The following FRMD5 variants were observed in gnomAD, a reference collection of about 807,000 sequenced individuals.
FRMD5 encodes FERM domain-containing protein 5.
Under a neutral mutation model 69.0 loss-of-function variants are expected in FRMD5, and 20 were observed. That is an observed-to-expected ratio of 0.29 (90% CI 0.20 to 0.42). The LOEUF is 0.42. Ranked by LOEUF, FRMD5 falls within the 10% of genes least tolerant of loss-of-function variation. FRMD5 has a pLI of 1.00. For missense variants in FRMD5, 595 were observed against 708.6 expected (o/e 0.84, Z 1.82); for synonymous variants, 271 against 260.1 (o/e 1.04, Z -0.40).
chr15:43,927,146 A>G (rs1443375356), intron 1 of FRMD5, among the ~76,000 whole-genome samples: 1 of 152,046 alleles, frequency 6.6e-6, no homozygotes, highest in East Asian at 1.9e-4. Context: ...TTTGCAATAA[A>G]TCTCAATAAA....
At chr15:44,048,188 T>C (rs1892510867) in intron 1 of FRMD5, among the ~76,000 whole-genome samples, 1 of 152,224 alleles carries the variant, frequency 6.6e-6, no homozygotes, top group Admixed American at 6.5e-5. Flanking sequence ...ACCAGCAGTA[T>C]AGGAGGGTTC....
chr15:43,972,584 G>A (rs777456819), intron 1 of FRMD5, among the ~76,000 whole-genome samples: 8 of 152,154 alleles, frequency 5.3e-5, no homozygotes, highest in African/African-American at 9.7e-5. Context: ...ACATGATGTA[G>A]TTACTGCAGC....
chr15:43,941,125 T>C (rs1023601281), intron 1 of FRMD5, among the ~76,000 whole-genome samples: 1 of 152,162 alleles, frequency 6.6e-6, no homozygotes, highest in African/African-American at 2.4e-5. Context: ...TCTCAGCACT[T>C]TGGGAGGCCA....
chr15:43,979,408 T>C (rs555732049), intron 1 of FRMD5, among the ~76,000 whole-genome samples: 1 of 152,098 alleles, frequency 6.6e-6, no homozygotes, highest in South Asian at 2.1e-4. Context: ...CACACTCTTA[T>C]AGGCAGATAT....
chr15:43,884,547 C>A (rs2088615907), intron 12 of FRMD5, among the ~76,000 whole-genome samples, 180 bp downstream of exon 12: 1 of 152,184 alleles, frequency 6.6e-6, no homozygotes, highest in Admixed American at 6.5e-5. Flanking sequence ...CCCTCCCCAG[C>A]TCTCTTATTA....
chr15:44,047,478 T>C (rs888494040), intron 1 of FRMD5, among the ~76,000 whole-genome samples: 3 of 152,140 alleles, frequency 2.0e-5, no homozygotes, highest in Admixed American at 6.5e-5. Context: ...AAATGTTATG[T>C]GTTGGTGGGG....
chr15:43,884,672 T>G, intron 12 of FRMD5, 55 bp downstream of exon 12: 1,031 of 1,502,620 alleles, frequency 6.9e-4, no homozygotes, highest in Non-Finnish European at 8.5e-4. Context: ...ACTGCTGGAT[T>G]GAGATTCTGG....
At chr15:44,121,598 C>A (rs553439049) in intron 1 of FRMD5, among the ~76,000 whole-genome samples, 1 of 151,650 alleles carries the variant, frequency 6.6e-6, no homozygotes, top group Non-Finnish European at 1.5e-5. Context: ...CCCTTTCTCT[C>A]TAGTTTTCTA....
At chr15:44,133,339 G>A (rs1479502452) in intron 1 of FRMD5, among the ~76,000 whole-genome samples, 1 of 151,892 alleles carries the variant, frequency 6.6e-6, no homozygotes, top group East Asian at 1.9e-4. Context: ...CACTTTGGGA[G>A]GCCGAGGCAG....
chr15:43,925,670 C>T (rs186313142), intron 1 of FRMD5, among the ~76,000 whole-genome samples: 1 of 152,324 alleles, frequency 6.6e-6, no homozygotes. Context: ...CCTATACAGC[C>T]TGGCTTCTCT....
intron 1 of FRMD5, among the ~76,000 whole-genome samples, chr15:44,007,062 C>T (rs1407857859): frequency 6.6e-6 from 1 of 152,156 alleles, no homozygotes; most frequent in Non-Finnish European, 1.5e-5. Context: ...ATTGTCACAG[C>T]CACCTTCAGC....
At chr15:43,888,709 G>C in intron 9 of FRMD5, 100 bp downstream of exon 9, 1 of 952,422 alleles carries the variant, frequency 1.0e-6, no homozygotes, top group South Asian at 1.4e-5. Context: ...TTAGTATGTG[G>C]GTAGCTTGGC....
intron 1 of FRMD5, among the ~76,000 whole-genome samples, chr15:44,010,950 G>A (rs184602915): frequency 5.1e-4 from 78 of 152,196 alleles, no homozygotes; most frequent in African/African-American, 1.8e-3. Context: ...GAACTAGGGT[G>A]AACAAGATGA....
chr15:44,180,072 A>G (rs1595562428), intron 1 of FRMD5, among the ~76,000 whole-genome samples: 2 of 121,732 alleles, frequency 1.6e-5, no homozygotes, highest in Admixed American at 1.6e-4. Context: ...AAAAAAAAAA[A>G]GGCAAAAAAG....
chr15:43,980,442 C>T (rs1353332681), intron 1 of FRMD5, among the ~76,000 whole-genome samples: 1 of 152,152 alleles, frequency 6.6e-6, no homozygotes, highest in Non-Finnish European at 1.5e-5. Flanking sequence ...CAAACATTTC[C>T]TTATTTACCT....
chr15:43,949,200 C>G (rs1001368872), intron 1 of FRMD5, among the ~76,000 whole-genome samples: 1 of 152,298 alleles, frequency 6.6e-6, no homozygotes, highest in East Asian at 1.9e-4. Flanking sequence ...CTGGGAAAGG[C>G]CCTGCAAAGC....
chr15:43,890,014 GCTC>G (rs1391364643), intron 8 of FRMD5, among the ~76,000 whole-genome samples: 1 of 152,164 alleles, frequency 6.6e-6, no homozygotes, highest in Non-Finnish European at 1.5e-5. Context: ...TGTTCTCCAT[GCTC>G]CTGAAAATCA....
At chr15:44,050,770 G>C (rs948048510) in intron 1 of FRMD5, among the ~76,000 whole-genome samples, 1 of 151,188 alleles carries the variant, frequency 6.6e-6, no homozygotes, top group African/African-American at 2.4e-5. Flanking sequence ...TGATTCTCCA[G>C]CCTCCACCAC....
At chr15:43,915,292 A>C (rs2089366033) in intron 4 of FRMD5, among the ~76,000 whole-genome samples, 2 of 152,202 alleles carry the variant, frequency 1.3e-5, no homozygotes, top group South Asian at 4.1e-4. Context: ...AGTAGTTGCG[A>C]CAGAGACCAT....
Sources: allele counts gnomAD v4.1 joint callset (sites outside exome capture counted in the v4.1 genomes callset), GRCh38; gene constraint gnomAD v4.1.1; transcripts MANE v1.5; gene names NCBI Gene and HGNC (gene_info 2026-07-23, HGNC 2026-07-21).